Variants in PCDHGA9 observed in about 807,000 individuals in gnomAD.
The protein encoded by PCDHGA9 is protocadherin gamma-A9.
A neutral mutation model predicts 62.5 loss-of-function variants in PCDHGA9; 37 were observed. That is an observed-to-expected ratio of 0.59 (90% CI 0.46 to 0.78). The LOEUF is 0.78. Ranked by LOEUF, PCDHGA9 falls within the 30% of genes least tolerant of loss-of-function variation. The probability of loss-of-function intolerance (pLI) is 0.00; values close to 1 mark genes in which losing one functional copy is unlikely to be tolerated. For synonymous variants in PCDHGA9, 459 were observed against 484.6 expected, an observed-to-expected ratio of 0.95 and a Z score of 0.69; for missense variants, 1,138 against 1,166.2, an observed-to-expected ratio of 0.98 and a Z score of 0.35.
chr5:141,490,623 T>C lies in PCDHGA9; in HGVS notation c.2425-4184T>C. The C allele has an allele frequency of 3.1e-6, 5 of 1,614,174 alleles. No individual in the cohort carries two copies. The highest frequency in any genetic ancestry group is 4.2e-6 in the Non-Finnish European group (5 of 1,180,020). ...GCTTCAACCAGCAGCTTTACACTGC[T>C]TACATCCTAGAAAACCGGCCTCCGG... On this transcript the variant is annotated intron_variant, in intron 1 of 3. Coordinates refer to ENST00000573521, the MANE Select transcript of PCDHGA9 (RefSeq NM_018921.3). This position sits in a 1 kb window ranked among gnomAD's most constrained non-coding sequence, Gnocchi z 5.4.
rs2094630274 is a variant in PCDHGA9 at position 141,405,240 on chromosome 5, C to G, written c.2288C>G (p.Ser763Ter). 4 of 1,614,136 alleles carry G rather than the reference C, an allele frequency of 2.5e-6. No individual in the cohort carries two copies. The highest frequency in any genetic ancestry group is 2.7e-5 in the African/African-American group (2 of 75,002). Residue 763 changes from serine to a stop codon, truncating the protein, a stop_gained, in exon 1 of 4, where the codon TCA (serine) becomes TGA (stop). Transcript: ENST00000573521. LOFTEE classifies it high-confidence loss of function. ...YSQEFSLTAD[S>*]RKSHLIFPQP... ...CAGGAGTTCTCCCTCACCGCTGACTCAAGGAAGAGTCACCTGATCTTCCCC... is the reference window on the plus strand; with the variant it reads ...CAGGAGTTCTCCCTCACCGCTGACTGAAGGAAGAGTCACCTGATCTTCCCC...
rs755734755 is a variant in PCDHGA9 at position 141,403,212 on chromosome 5, C to T, written c.260C>T (p.Ala87Val). The T allele has an allele frequency of 5.0e-6, 8 of 1,613,834 alleles. No individual in the cohort carries two copies. The highest frequency in any genetic ancestry group is 2.2e-5 in the East Asian group (1 of 44,898). Residue 87 changes from alanine (A) to valine (V), a missense_variant, in exon 1 of 4, where the codon GCG becomes GTG. Coordinates refer to ENST00000573521, the MANE Select transcript of PCDHGA9 (RefSeq NM_018921.3). The stretch of plus-strand genomic sequence containing the variant: ...CCGCGCAGCGGCACCTTGGTCACCG[C>T]GGGTAGGATAGACCGGGAGGAGCTC... ...LNPRSGTLVT[A>V]GRIDREELCA... is the part of the protein sequence containing the mutation.
chr5:141,420,496 G>T, intron 1 of PCDHGA9: 1 of 495,924 alleles, frequency 2.0e-6, no homozygotes, highest in Non-Finnish European at 3.1e-6. Context: ...GTAATCTCCG[G>T]TGACATTTTT....
In PCDHGA9 at chr5:141,476,928, T is replaced by C. The variant is rs1279715094; in HGVS notation, c.2425-17879T>C. 6.2e-7 allele frequency: 1 copy of C among 1,614,142 alleles called. No individual in the cohort carries two copies. The highest frequency in any genetic ancestry group is 2.2e-5 in the East Asian group (1 of 44,868). On this transcript the variant is annotated intron_variant, in intron 1 of 3. Transcript: ENST00000573521. This position sits in a 1 kb window ranked among gnomAD's most constrained non-coding sequence, Gnocchi z 7.6. ...GTGGTACAAGTCCTTGCAACGGATC[T>C]GGATGAAGGCCCCAACGGTGAAATT...
chr5:141,441,811 C>A (rs1007948586), intron 1 of PCDHGA9: 2 of 370,710 alleles, frequency 5.4e-6, no homozygotes, highest in African/African-American at 2.2e-5. Flanking sequence ...GTGCTGTACC[C>A]CAGCTCTGGA....
In PCDHGA9 at chr5:141,512,874, C is replaced by G. The variant is rs2099884476; in HGVS notation, c.*1701C>G. The G allele has an allele frequency of 6.6e-6, 1 of 152,246 alleles. No homozygotes were observed. Among genetic ancestry groups the G allele is most frequent in the Non-Finnish European group, 1.5e-5 (1 of 68,062 alleles). 9.4% of individuals were successfully genotyped at this position (152,246 alleles called of 1,614,324 possible). ...CTTCTCTTCGCATAGTCACGTAGCT[C>G]CCACCCCACCCTCTTCCTGTGTCTC... On this transcript the variant is annotated 3_prime_UTR_variant, in exon 4 of 4. Transcript: ENST00000573521.
intron 1 of PCDHGA9, among the ~76,000 whole-genome samples, chr5:141,467,938 C>A (rs527892047): frequency 9.8e-5 from 15 of 152,304 alleles, no homozygotes; most frequent in Non-Finnish European, 1.5e-4. Flanking sequence ...GGATTACAAG[C>A]ATGAGCCACC....
intron 1 of PCDHGA9, among the ~76,000 whole-genome samples, chr5:141,446,536 GC>G (rs1043723006): frequency 2.0e-5 from 3 of 152,012 alleles, no homozygotes; most frequent in African/African-American, 7.2e-5. Context: ...GAGTGCAGTG[GC>G]CCTATCTCTG....
intron 1 of PCDHGA9, chr5:141,426,599 A>G (rs1171205143): frequency 2.7e-6 from 1 of 377,348 alleles, no homozygotes; most frequent in Non-Finnish European, 5.4e-6. Flanking sequence ...TCATACCCTT[A>G]GAGATTGTAG....
intron 1 of PCDHGA9, chr5:141,419,381 A>T (rs1170271990): frequency 6.2e-7 from 1 of 1,613,544 alleles, no homozygotes; most frequent in Admixed American, 1.7e-5. Flanking sequence ...CGTGTCCGTG[A>T]GCGCGCAGAG....
At chr5:141,474,658 A>G (rs950490550) in intron 1 of PCDHGA9, among the ~76,000 whole-genome samples, 13 of 152,176 alleles carry the variant, frequency 8.5e-5, no homozygotes, top group African/African-American at 3.1e-4. Flanking sequence ...CTTCTTTTCT[A>G]CCTACCTAAC....
rs537875169 is a variant in PCDHGA9 at position 141,404,108 on chromosome 5, A to G, written c.1156A>G (p.Ile386Val). 1.4e-5 allele frequency: 22 copies of G among 1,613,436 alleles called. No homozygotes were observed. Among genetic ancestry groups the G allele is most frequent in the South Asian group, 6.6e-5 (6 of 91,040 alleles). The stretch of plus-strand genomic sequence containing the variant: ...GAAGAATGGTCAAGTTGTCTGTTCT[A>G]TCCAGGAGAATCTATCTTTTACATT... ...SGKNGQVVCS[I>V]QENLSFTLEN... is the part of the protein sequence containing the mutation. Residue 386 changes from isoleucine to valine, a missense_variant, in exon 1 of 4, where the codon ATC becomes GTC. Ile to Val is a conservative substitution (Grantham distance 29, BLOSUM62 3). Transcript: ENST00000573521.
At chr5:141,442,452 CA>C (rs2098325918) in intron 1 of PCDHGA9, 1 of 152,226 alleles carries the variant, frequency 6.6e-6, no homozygotes, top group Admixed American at 6.5e-5. Flanking sequence ...GACTCAATAG[CA>C]GTTTCACTGC....
At chr5:141,434,683 T>A (rs1057301534) in intron 1 of PCDHGA9, among the ~76,000 whole-genome samples, 8 of 152,248 alleles carry the variant, frequency 5.3e-5, no homozygotes, top group Non-Finnish European at 5.9e-5. Flanking sequence ...AATGACTGGC[T>A]TGCTGTTAAT....
Position 141,414,991 on chromosome 5 carries a change from G to A in PCDHGA9, c.2424+9615G>A, listed in dbSNP as rs1162432290. ...GGTGGACAGAGACTCCGGCCAGAAC[G>A]CCTGGCTGTCCTACCGTCTGCTCAA... On this transcript the variant is annotated intron_variant, in intron 1 of 3. Transcript: ENST00000573521. 10 of 1,613,648 alleles carry A rather than the reference G, an allele frequency of 6.2e-6. No homozygotes were observed. The Admixed American group carries it at 1.2e-4, about 19-fold the overall frequency.
At chr5:141,481,718 C>T (rs942120251) in intron 1 of PCDHGA9, among the ~76,000 whole-genome samples, 6 of 152,082 alleles carry the variant, frequency 3.9e-5, no homozygotes, top group East Asian at 1.9e-4. Context: ...CTTTGGGAGG[C>T]GGAGGCGGGC....
intron 1 of PCDHGA9, among the ~76,000 whole-genome samples, chr5:141,483,658 G>C (rs906346163): frequency 1.4e-4 from 22 of 152,028 alleles, no homozygotes; most frequent in Non-Finnish European, 2.4e-4. Context: ...TTGTGTGTGT[G>C]TGTGTGTGTG....
rs544678317 is a variant in PCDHGA9, at chr5:141,430,911, A to C, written c.2424+25535A>C. The C allele has an allele frequency of 1.9e-5, 31 of 1,607,958 alleles. No homozygotes were observed. The Admixed American group carries it at 2.2e-4, about 11-fold the overall frequency. ...TCTAGGGTGGGCGACATCTCCAGGG[A>C]CCTGGGGCTGGAGCCCCGGGAGCTC... On this transcript the variant is annotated intron_variant, in intron 1 of 3. Transcript: ENST00000573521.
Position 141,489,079 on chromosome 5 carries a change from C to CCCCA in PCDHGA9, c.2425-5727_2425-5726insCCAC. ...CTCCCCTCCCCCCTGCCCACCCCCGCCACTCGGTGACTAAGAACTGCTGCA... is the reference window on the plus strand; with the variant it reads ...CTCCCCTCCCCCCTGCCCACCCCCGCCCCACACTCGGTGACTAAGAACTGCTGCA... On this transcript the variant is annotated intron_variant, in intron 1 of 3. Transcript: ENST00000573521. This position sits in a 1 kb window ranked among gnomAD's most constrained non-coding sequence, Gnocchi z 4.5. The CCCCA allele has an allele frequency of 9.1e-6, 3 of 329,992 alleles. No homozygotes were observed. Among genetic ancestry groups the CCCCA allele is most frequent in the African/African-American group, 2.4e-5 (1 of 41,312 alleles). The allele number at this position is 329,992 out of a possible 1,614,324, so 20.4% of individuals were successfully genotyped here.
Sources: gnomAD v4.1 joint callset for allele counts (sites outside exome capture counted in the v4.1 genomes callset) on GRCh38, gnomAD v4.1.1 for gene constraint, Gnocchi (gnomAD v3.1) non-coding constraint, MANE v1.5 for transcripts, NCBI Gene and HGNC (gene_info 2026-07-23, HGNC 2026-07-21) for gene names.